Variants in SLC22A23 observed in about 807,000 individuals in gnomAD.
SLC22A23 encodes the protein ion transporter protein.
Under a neutral mutation model 61.0 loss-of-function variants are expected in SLC22A23, and 26 were observed. That is an observed-to-expected ratio of 0.43 (90% CI 0.31 to 0.59). SLC22A23 has a LOEUF of 0.59. Among genes scored for constraint, SLC22A23 ranks in the 20% least tolerant of loss-of-function variants. SLC22A23 has a pLI of 0.11. For missense variants in SLC22A23, 796 were observed against 934.7 expected, an observed-to-expected ratio of 0.85 and a Z score of 1.94; for synonymous variants, 430 against 413.9, an observed-to-expected ratio of 1.04 and a Z score of -0.47.
Position 3,271,089 on chromosome 6 carries a change from C to CT in SLC22A23, c.*1965dup, listed in dbSNP as rs1758444659. 6.6e-6 allele frequency: 1 copy of CT among 152,378 alleles called. No homozygotes were observed. The highest frequency in any genetic ancestry group is 1.5e-5 in the Non-Finnish European group (1 of 68,078). 9.4% of individuals were successfully genotyped at this position (152,378 alleles called of 1,614,324 possible). The stretch of plus-strand genomic sequence containing the variant: ...ATAATGGGGGTTTGTTGACAGGTGG[C>CT]TTTATAGCAAGTACTCCAAAAAAGG... On this transcript the variant is annotated 3_prime_UTR_variant, in exon 10 of 10. Transcript: ENST00000406686.
intron 3 of SLC22A23, among the ~76,000 whole-genome samples, chr6:3,344,102 A>G (rs984907297): frequency 6.6e-6 from 1 of 152,202 alleles, no homozygotes; most frequent in African/African-American, 2.4e-5. Flanking sequence ...CAGTGGTCAC[A>G]TATGGCTATT....
At chr6:3,285,994 G>A (rs568255989) in intron 7 of SLC22A23, among the ~76,000 whole-genome samples, 3 of 152,284 alleles carry the variant, frequency 2.0e-5, no homozygotes, top group South Asian at 2.1e-4. Context: ...GGCTGGCCAC[G>A]GAGATGCTGT....
intron 3 of SLC22A23, among the ~76,000 whole-genome samples, chr6:3,377,099 C>T (rs1032178439): frequency 3.3e-5 from 5 of 152,102 alleles, no homozygotes; most frequent in Non-Finnish European, 7.4e-5. Context: ...ATTTGGCCCA[C>T]TGCCTGTTTT....
chr6:3,323,244 T>G lies in SLC22A23; in HGVS notation c.1082+590A>C, dbSNP rs1447662954. 6 of 456,412 alleles carry G rather than the reference T, an allele frequency of 1.3e-5. No individual in the cohort carries two copies. In the Admixed American group the frequency reaches 1.4e-4, roughly 11 times the overall value. 28.3% of individuals were successfully genotyped at this position (456,412 alleles called of 1,614,324 possible). A position where few individuals can be genotyped will look rare whatever the true frequency, so the allele number is the denominator to read the frequency against. On this transcript the variant is annotated intron_variant, in intron 4 of 9. Transcript: ENST00000406686. ...TGTAAAGGACCAGATAGTAAATATT[T>G]TCAGCTTTATACCATACCAACCTGC...
chr6:3,283,584 C>T, intron 9 of SLC22A23: 1 of 433,002 alleles, frequency 2.3e-6, no homozygotes, highest in Non-Finnish European at 4.3e-6. Flanking sequence ...GACGCTCAGA[C>T]ACTGACATAT....
Position 3,427,084 on chromosome 6 carries a change from G to C in SLC22A23, c.655-11229C>G, listed in dbSNP as rs1319105789. 6.6e-6 allele frequency among the ~76,000 whole-genome samples: 1 copy of C among 152,244 alleles called. No individual in the cohort carries two copies. The highest frequency in any genetic ancestry group is 1.5e-5 in the Non-Finnish European group (1 of 68,044). ...GGCTAAGAGCTCGGAGTTTGAGCCT[G>C]ATAAGCCCCAGTTTTATTTCTAGTT... is the stretch of plus-strand genomic sequence containing the variant. On this transcript the variant is annotated intron_variant, in intron 1 of 9. Transcript: ENST00000406686. The surrounding 1 kb of genome is among the most constrained non-coding windows in gnomAD (Gnocchi z 4.3).
At position 3,447,893 on chromosome 6, in the gene SLC22A23, C is replaced by T. The variant is rs1247059028; in HGVS notation, c.654+8013G>A. ...ATGAGCTACCATGCCTGGCCTCTCTCTCTCTTTTTTTTTTTTTTTTTTTGA... is the reference window on the plus strand; with the variant it reads ...ATGAGCTACCATGCCTGGCCTCTCTTTCTCTTTTTTTTTTTTTTTTTTTGA... On this transcript the variant is annotated intron_variant, in intron 1 of 9. Coordinates refer to ENST00000406686, the MANE Select transcript of SLC22A23 (RefSeq NM_015482.2). Among the ~76,000 whole-genome samples the T allele has an allele frequency of 1.6e-4, 7 of 44,516 alleles. 1 individual carries two copies. The highest frequency in any genetic ancestry group is 1.1e-3 in the African/African-American group (6 of 5,402). 29.2% of individuals were successfully genotyped at this position (44,516 alleles called of 152,430 possible).
intron 9 of SLC22A23, 48 bp from the exon 10 acceptor site, chr6:3,273,460 T>C (rs6901135): frequency 0.079 from 126,367 of 1,596,090 alleles, 5,615 homozygotes; most frequent in Middle Eastern, 0.14. Flanking sequence ...GCTAGCGGGC[T>C]GGATCCCGGG....
chr6:3,338,047 G>A lies in SLC22A23; in HGVS notation c.914-14045C>T, dbSNP rs183929085. On this transcript the variant is annotated intron_variant, in intron 3 of 9. Coordinates refer to ENST00000406686, the MANE Select transcript of SLC22A23 (RefSeq NM_015482.2). Reference sequence around the variant, plus strand: ...ATGACTCACCACTGGGGACACTACCGACTTGAATCTGCATAAACAAACCTC... The same window carrying A: ...ATGACTCACCACTGGGGACACTACCAACTTGAATCTGCATAAACAAACCTC... Among the ~76,000 whole-genome samples, 28 of 152,252 alleles carry A rather than the reference G, an allele frequency of 1.8e-4. No individual in the cohort carries two copies. In the East Asian group the frequency reaches 3.3e-3, roughly 18 times the overall value.
At position 3,337,040 on chromosome 6, in the gene SLC22A23, TCAAA is replaced by T. The variant is rs1228730902; in HGVS notation, c.914-13042_914-13039del. 3.3e-5 allele frequency among the ~76,000 whole-genome samples: 5 copies of T among 152,126 alleles called. No homozygotes were observed. The South Asian group carries it at 6.2e-4, about 19-fold the overall frequency. ...CCAGGCTGGTCTTGAACTCCTGAGC[TCAAA>T]CAATCTTCCTACCTCAGCCTCCCAA... On this transcript the variant is annotated intron_variant, in intron 3 of 9. Transcript: ENST00000406686.
At chr6:3,290,789 C>T (rs1346226425) in intron 5 of SLC22A23, 1 of 152,472 alleles carries the variant, frequency 6.6e-6, no homozygotes, top group Non-Finnish European at 1.5e-5. Flanking sequence ...CCACCTCAGC[C>T]TTCTGTTGCC....
rs1763190343 is a variant in SLC22A23, at chr6:3,324,934, G to A, written c.914-932C>T. 1.3e-5 allele frequency among the ~76,000 whole-genome samples: 2 copies of A among 152,154 alleles called. No individual in the cohort carries two copies. The highest frequency in any genetic ancestry group is 2.9e-5 in the Non-Finnish European group (2 of 68,048). On this transcript the variant is annotated intron_variant, in intron 3 of 9. Transcript: ENST00000406686. This position sits in a 1 kb window ranked among gnomAD's most constrained non-coding sequence, Gnocchi z 4.3. ...ACAACCAATACAGACTTACTACTAC[G>A]TGAATCACCATAATGAAAGCCCTTT...
intron 3 of SLC22A23, among the ~76,000 whole-genome samples, chr6:3,388,917 G>A (rs1227832684): frequency 6.6e-6 from 1 of 152,064 alleles, no homozygotes; most frequent in Non-Finnish European, 1.5e-5. Context: ...TGTGGGGAGG[G>A]GGAATGGGGA....
In SLC22A23 at chr6:3,443,985, GC is replaced by G. The variant is rs540472137; in HGVS notation, c.654+11920del. Among the ~76,000 whole-genome samples, 29 of 152,274 alleles carry G rather than the reference GC, an allele frequency of 1.9e-4. No homozygotes were observed. The East Asian group carries it at 5.6e-3, about 29-fold the overall frequency. ...TCTCAGATCCCACCTTCCACCTGCT[GC>G]CCTGCATCTTTCCAAGAAATTCCTT... On this transcript the variant is annotated intron_variant, in intron 1 of 9. Coordinates refer to ENST00000406686, the MANE Select transcript of SLC22A23 (RefSeq NM_015482.2).
intron 3 of SLC22A23, among the ~76,000 whole-genome samples, chr6:3,395,511 G>A (rs2127492332): frequency 6.6e-6 from 1 of 152,304 alleles, no homozygotes; most frequent in Admixed American, 6.5e-5. Flanking sequence ...TGGACTAACT[G>A]CATATTTAAT....
chr6:3,280,512 T>TTTTTTTTTTTTTTTTTTCC (rs781526188), intron 9 of SLC22A23, among the ~76,000 whole-genome samples: 1 of 98,328 alleles, frequency 1.0e-5, no homozygotes, highest in African/African-American at 3.6e-5. Flanking sequence ...TTTTTTTTTT[T>TTTTTTTTTTTTTTTTTTCC]TGAGATGGAG....
In SLC22A23 at chr6:3,455,920, T is replaced by C. The variant is rs1394346774; in HGVS notation, c.640A>G (p.Asn214Asp). 1.3e-5 allele frequency: 19 copies of C among 1,509,142 alleles called. No homozygotes were observed. Among genetic ancestry groups the C allele is most frequent in the Non-Finnish European group, 1.7e-5 (19 of 1,121,762 alleles). The allele number at this position is 1,509,142 out of a possible 1,614,324, so 93.5% of individuals were successfully genotyped here. A position where few individuals can be genotyped will look rare whatever the true frequency, so the allele number is the denominator to read the frequency against. ...DYGIRAGLVQ[N>D]VVSKWDLVCD... is the part of the protein sequence containing the mutation. ...GCGGCCCTTACCTTGCTGACCACGT[T>C]CTGGACGAGGCCGGCGCGGATGCCG... The change falls in exon 1 of 10, where the codon AAC becomes GAC. Residue 214 changes from asparagine to aspartate, a missense_variant. Asn to Asp is a conservative substitution (Grantham distance 23, BLOSUM62 1). Transcript: ENST00000406686.
intron 5 of SLC22A23, among the ~76,000 whole-genome samples, chr6:3,293,768 T>C (rs7756837): frequency 0.28 from 42,006 of 152,120 alleles, 8,917 homozygotes; most frequent in African/African-American, 0.58. Flanking sequence ...TGGCCTGACA[T>C]ATCCACCCTC....
intron 9 of SLC22A23, among the ~76,000 whole-genome samples, chr6:3,280,860 T>G (rs1759410966): frequency 2.0e-5 from 3 of 152,208 alleles, no homozygotes; most frequent in Admixed American, 2.0e-4. Context: ...CAGGTCATCC[T>G]GGCCCTCGGT....
Sources: allele counts gnomAD v4.1 joint callset (sites outside exome capture counted in the v4.1 genomes callset), GRCh38; gene constraint gnomAD v4.1.1; non-coding constraint Gnocchi (gnomAD v3.1); transcripts MANE v1.5; gene names NCBI Gene and HGNC (gene_info 2026-07-23, HGNC 2026-07-21).